SLC4A10: variants seen among roughly 807,000 people sequenced by gnomAD.
The protein encoded by SLC4A10 is sodium-driven chloride bicarbonate exchanger.
Under a neutral mutation model 137.7 loss-of-function variants are expected in SLC4A10, and 42 were observed. The observed-to-expected ratio is 0.30, with a 90% CI of 0.24 to 0.39. The LOEUF (loss-of-function observed/expected upper bound fraction) is 0.39, where lower values mean the gene tolerates loss of function less well. Among genes scored for constraint, SLC4A10 ranks in the 10% least tolerant of loss-of-function variants. SLC4A10 has a pLI of 1.00. For missense variants in SLC4A10, 925 were observed against 1,355.0 expected, an observed-to-expected ratio of 0.68 and a Z score of 4.98; for synonymous variants, 474 against 464.1, an observed-to-expected ratio of 1.02 and a Z score of -0.27.
chr2:161,761,759 C>T (rs551329468), intron 1 of SLC4A10, among the ~76,000 whole-genome samples: 2 of 152,198 alleles, frequency 1.3e-5, no homozygotes, highest in Non-Finnish European at 1.5e-5. Context: ...TTGTGATGGA[C>T]TTAATCCTGA....
chr2:161,858,933 C>T (rs1481231124), intron 5 of SLC4A10, among the ~76,000 whole-genome samples: 1 of 152,108 alleles, frequency 6.6e-6, no homozygotes, highest in Non-Finnish European at 1.5e-5. Flanking sequence ...ATTTTTTAAC[C>T]TGCCTATACT....
intron 1 of SLC4A10, among the ~76,000 whole-genome samples, chr2:161,750,537 T>C (rs1245554516): frequency 1.1e-4 from 16 of 151,866 alleles, no homozygotes; most frequent in Non-Finnish European, 1.3e-4. Flanking sequence ...TATTTGTGGA[T>C]TTTCTCATTT....
At chr2:161,753,186 T>C (rs1378860735) in intron 1 of SLC4A10, among the ~76,000 whole-genome samples, 2 of 152,118 alleles carry the variant, frequency 1.3e-5, no homozygotes, top group African/African-American at 4.8e-5. Context: ...CACCATGATA[T>C]TTATTATGCA....
At chr2:161,653,533 G>A (rs1443155206) in intron 1 of SLC4A10, among the ~76,000 whole-genome samples, 1 of 152,012 alleles carries the variant, frequency 6.6e-6, no homozygotes. Flanking sequence ...TTTAATAATC[G>A]CCATTCTAAC....
chr2:161,719,269 T>C (rs1291036499), intron 1 of SLC4A10, among the ~76,000 whole-genome samples: 2 of 152,156 alleles, frequency 1.3e-5, no homozygotes, highest in Admixed American at 6.6e-5. Context: ...TTCCATGGTG[T>C]ATATGTGCCA....
At chr2:161,836,115 T>C (rs1234453566) in intron 3 of SLC4A10, among the ~76,000 whole-genome samples, 1 of 152,244 alleles carries the variant, frequency 6.6e-6, no homozygotes, top group Non-Finnish European at 1.5e-5. Context: ...GCTGTGGCTA[T>C]TGTTGATGAC....
chr2:161,772,818 A>AT (rs1385240234), intron 2 of SLC4A10, among the ~76,000 whole-genome samples: 4 of 152,048 alleles, frequency 2.6e-5, no homozygotes, highest in African/African-American at 9.6e-5. Flanking sequence ...ACAATCTAGC[A>AT]TTTGAAGATG....
intron 1 of SLC4A10, among the ~76,000 whole-genome samples, chr2:161,635,396 A>T (rs2034246075): frequency 6.6e-6 from 1 of 152,130 alleles, no homozygotes; most frequent in African/African-American, 2.4e-5. Context: ...TACTAAGCAG[A>T]TGTTGTCATT....
At chr2:161,894,272 T>G (rs1428115406) in intron 10 of SLC4A10, among the ~76,000 whole-genome samples, 2 of 152,136 alleles carry the variant, frequency 1.3e-5, no homozygotes, top group African/African-American at 4.8e-5. Context: ...TTTAAATTAA[T>G]TTATTTATGC....
chr2:161,869,551 G>A (rs1384109757), intron 6 of SLC4A10, among the ~76,000 whole-genome samples: 1 of 151,374 alleles, frequency 6.6e-6, no homozygotes, highest in Non-Finnish European at 1.5e-5. Context: ...CTTTTTAAAA[G>A]ACTTCTATTT....
chr2:161,723,932 C>T (rs576001268), intron 1 of SLC4A10, among the ~76,000 whole-genome samples: 1 of 152,312 alleles, frequency 6.6e-6, no homozygotes, highest in East Asian at 1.9e-4. Flanking sequence ...CATCTCTGCT[C>T]ATTTGTCTTA....
At chr2:161,739,552 C>T (rs776959996) in intron 1 of SLC4A10, among the ~76,000 whole-genome samples, 1 of 152,120 alleles carries the variant, frequency 6.6e-6, no homozygotes, top group Non-Finnish European at 1.5e-5. Flanking sequence ...TGAACATTTG[C>T]ATCTTCTACC....
intron 2 of SLC4A10, among the ~76,000 whole-genome samples, chr2:161,799,574 T>C (rs1350584908): frequency 6.6e-6 from 1 of 151,990 alleles, no homozygotes; most frequent in Admixed American, 6.6e-5. Context: ...TTCTTCTTAT[T>C]CCTTCCTCTA....
In SLC4A10 at chr2:161,774,928, G is replaced by A. The variant is rs142080803; in HGVS notation, c.130+3874G>A. Among the ~76,000 whole-genome samples, 949 of 151,928 alleles carry A rather than the reference G, an allele frequency of 6.2e-3. 11 individuals carry two copies. The highest frequency in any genetic ancestry group is 0.022 in the African/African-American group (903 of 41,478). On this transcript the variant is annotated intron_variant, in intron 2 of 26. Transcript: ENST00000446997. The stretch of plus-strand genomic sequence containing the variant: ...ATTTCCCTGTTCCCTGAATAGTACC[G>A]ATAGACGTACTTGGTAGTTGGCAGG...
chr2:161,704,691 T>C (rs975819671), intron 1 of SLC4A10, among the ~76,000 whole-genome samples: 1 of 151,732 alleles, frequency 6.6e-6, no homozygotes, highest in Non-Finnish European at 1.5e-5. Context: ...TTGCTTTCCA[T>C]TTAATATGCT....
intron 1 of SLC4A10, among the ~76,000 whole-genome samples, chr2:161,744,140 C>G (rs892253378): frequency 3.9e-5 from 6 of 151,948 alleles, no homozygotes; most frequent in Non-Finnish European, 8.8e-5. Flanking sequence ...TGCTTGATTG[C>G]TCTAGCTAGG....
At chr2:161,839,725 G>C in intron 3 of SLC4A10, 64 bp from the exon 4 acceptor site, 1 of 1,585,752 alleles carries the variant, frequency 6.3e-7, no homozygotes, top group Non-Finnish European at 8.6e-7. Context: ...CAGTGACTGG[G>C]ACATTTTAAG....
At chr2:161,890,613 C>T (rs1392161729) in intron 10 of SLC4A10, among the ~76,000 whole-genome samples, 1 of 152,002 alleles carries the variant, frequency 6.6e-6, no homozygotes, top group African/African-American at 2.4e-5. Context: ...GATTGCAACC[C>T]CAGCTTGCAT....
intron 5 of SLC4A10, among the ~76,000 whole-genome samples, chr2:161,860,237 T>G (rs2060357942): frequency 1.3e-5 from 2 of 152,188 alleles, no homozygotes; most frequent in Non-Finnish European, 2.9e-5. Context: ...ATGAGTGTGT[T>G]TTTTAATATT....
Sources: gnomAD v4.1 joint callset for allele counts (sites outside exome capture counted in the v4.1 genomes callset) on GRCh38, gnomAD v4.1.1 for gene constraint, MANE v1.5 for transcripts, NCBI Gene and HGNC (gene_info 2026-07-23, HGNC 2026-07-21) for gene names.